The following ENTREP2 variants were observed in gnomAD, a reference collection of about 807,000 sequenced individuals.
ENTREP2 encodes the protein protein ENTREP2.
At chr15:29,300,402 G>A in the ENTREP2 span, among the ~76,000 whole-genome samples, 1 of 146,586 alleles carries the variant, frequency 6.8e-6, no homozygotes, top group Admixed American at 6.8e-5. Context: ...TGGATAAATG[G>A]ATGGATGGAT....
chr15:29,412,542 A>G, the ENTREP2 span, among the ~76,000 whole-genome samples: 4 of 152,094 alleles, frequency 2.6e-5, no homozygotes, highest in Non-Finnish European at 4.4e-5. Flanking sequence ...AAGTTTGTAT[A>G]TGTATTTTTT....
the ENTREP2 span, among the ~76,000 whole-genome samples, chr15:29,350,553 T>C: frequency 6.6e-6 from 1 of 152,220 alleles, no homozygotes; most frequent in African/African-American, 2.4e-5. Context: ...TAAGTTTATC[T>C]CTGGTGTTTG....
At chr15:29,466,712 G>C in the ENTREP2 span, among the ~76,000 whole-genome samples, 372 of 130,760 alleles carry the variant, frequency 2.8e-3, 4 homozygotes, top group African/African-American at 0.01. Flanking sequence ...GGCCCCAGGG[G>C]AGGGCCCAGG....
the ENTREP2 span, among the ~76,000 whole-genome samples, chr15:29,160,172 G>A: frequency 6.6e-6 from 1 of 152,244 alleles, no homozygotes; most frequent in East Asian, 1.9e-4. Flanking sequence ...GCCACTCCCA[G>A]TGCGGGGCCG....
chr15:29,581,027 C>T, the ENTREP2 span, among the ~76,000 whole-genome samples: 1 of 151,934 alleles, frequency 6.6e-6, no homozygotes, highest in African/African-American at 2.4e-5. Flanking sequence ...TTCTTATGGG[C>T]TAATTACTAC....
At chr15:29,389,155 G>GA in the ENTREP2 span, among the ~76,000 whole-genome samples, 18,628 of 140,022 alleles carry the variant, frequency 0.13, 1,891 homozygotes, top group African/African-American at 0.29. Context: ...CAGGAACTAT[G>GA]AAAAAAAAAA....
the ENTREP2 span, chr15:29,265,407 G>A: frequency 6.6e-6 from 1 of 152,252 alleles, no homozygotes; most frequent in Non-Finnish European, 1.5e-5. Flanking sequence ...AGGAGGCCGA[G>A]GCGGGCAGAT....
chr15:29,226,075 C>G, the ENTREP2 span, among the ~76,000 whole-genome samples: 2 of 152,214 alleles, frequency 1.3e-5, no homozygotes, highest in Non-Finnish European at 2.9e-5. Context: ...TTTGGCTTGT[C>G]TCCAGGACTT....
chr15:29,260,443 C>T, the ENTREP2 span, among the ~76,000 whole-genome samples: 1 of 152,168 alleles, frequency 6.6e-6, no homozygotes, highest in African/African-American at 2.4e-5. Flanking sequence ...TTGGATTCTA[C>T]TCCGTGACCA....
the ENTREP2 span, among the ~76,000 whole-genome samples, chr15:29,435,285 G>A: frequency 6.6e-6 from 1 of 152,056 alleles, no homozygotes; most frequent in Non-Finnish European, 1.5e-5. Context: ...TCCGGGGTGG[G>A]AGCAGTCTTC....
At chr15:29,136,925 C>T in the ENTREP2 span, 12 of 964,716 alleles carry the variant, frequency 1.2e-5, no homozygotes, top group Middle Eastern at 3.3e-4. Flanking sequence ...TTCCACTGCC[C>T]CTCCTCTGTT....
the ENTREP2 span, among the ~76,000 whole-genome samples, chr15:29,533,034 G>A: frequency 6.6e-6 from 1 of 152,170 alleles, no homozygotes; most frequent in Non-Finnish European, 1.5e-5. Context: ...CTCAGTGTGT[G>A]TTCCAATCCA....
At chr15:29,299,170 A>G in the ENTREP2 span, among the ~76,000 whole-genome samples, 1 of 145,196 alleles carries the variant, frequency 6.9e-6, no homozygotes, top group Non-Finnish European at 1.5e-5. Flanking sequence ...TTCAACAAGT[A>G]TTCATGTTAA....
chr15:29,627,623 T>C, the ENTREP2 span, among the ~76,000 whole-genome samples: 1 of 151,896 alleles, frequency 6.6e-6, no homozygotes, highest in South Asian at 2.1e-4. Context: ...ACTGAAACTC[T>C]ATCCATTAAA....
chr15:29,219,288 C>T, the ENTREP2 span, among the ~76,000 whole-genome samples: 12 of 151,914 alleles, frequency 7.9e-5, no homozygotes, highest in Non-Finnish European at 1.6e-4. Context: ...GCAAGAATGG[C>T]CATAATCAAA....
At chr15:29,500,082 G>C in the ENTREP2 span, among the ~76,000 whole-genome samples, 1 of 152,056 alleles carries the variant, frequency 6.6e-6, no homozygotes, top group Admixed American at 6.6e-5. Flanking sequence ...CCTACCAACA[G>C]AGTCCTAAAA....
At chr15:29,564,657 C>T in the ENTREP2 span, among the ~76,000 whole-genome samples, 27 of 152,172 alleles carry the variant, frequency 1.8e-4, 1 homozygote, top group Non-Finnish European at 3.2e-4. Context: ...AGACTTCCAT[C>T]CTACTTTAAA....
the ENTREP2 span, chr15:29,124,751 A>T: frequency 1.3e-6 from 2 of 1,550,608 alleles, no homozygotes; most frequent in Non-Finnish European, 1.7e-6. Flanking sequence ...GCCTGTGTGA[A>T]GAGGCATCGC....
the ENTREP2 span, among the ~76,000 whole-genome samples, chr15:29,513,556 G>C: frequency 6.6e-6 from 1 of 152,190 alleles, no homozygotes; most frequent in Non-Finnish European, 1.5e-5. Flanking sequence ...ATACAGGGGA[G>C]AGTGCATGAC....
Sources: allele counts gnomAD v4.1 joint callset (sites outside exome capture counted in the v4.1 genomes callset), GRCh38; gene constraint gnomAD v4.1.1; transcripts MANE v1.5; gene names NCBI Gene and HGNC (gene_info 2026-07-23, HGNC 2026-07-21).